The following PLXDC2 variants were observed in gnomAD, a reference collection of about 807,000 sequenced individuals.
The protein encoded by PLXDC2 is plexin domain containing 2.
PLXDC2 carries 40 observed loss-of-function variants against 68.9 expected under a neutral mutation model. The ratio of observed to expected loss-of-function variants is 0.58; its 90% CI spans 0.45 to 0.76. The LOEUF (loss-of-function observed/expected upper bound fraction) is 0.76, where lower values mean the gene tolerates loss of function less well. Ranked by LOEUF, PLXDC2 falls within the 30% of genes least tolerant of loss-of-function variation. The pLI, the probability that PLXDC2 is intolerant of heterozygous loss-of-function variation, is 0.00. For synonymous variants in PLXDC2, 243 were observed against 234.2 expected, an observed-to-expected ratio of 1.04 and a Z score of -0.34; for missense variants, 644 against 661.9, an observed-to-expected ratio of 0.97 and a Z score of 0.30.
chr10:20,234,243 C>A (rs1396265190), intron 12 of PLXDC2, among the ~76,000 whole-genome samples: 1 of 152,118 alleles, frequency 6.6e-6, no homozygotes, highest in Non-Finnish European at 1.5e-5. Context: ...TGTCATATGC[C>A]CACACAGCAG....
intron 4 of PLXDC2, among the ~76,000 whole-genome samples, chr10:20,083,321 CA>C: frequency 6.6e-6 from 1 of 151,382 alleles, no homozygotes. Flanking sequence ...TAAAAAAATA[CA>C]AAAAATTAGC....
chr10:19,843,422 G>A (rs1836943234), intron 1 of PLXDC2, among the ~76,000 whole-genome samples: 1 of 152,072 alleles, frequency 6.6e-6, no homozygotes, highest in African/African-American at 2.4e-5. Context: ...TCCTCCATAA[G>A]GACACCATCC....
intron 2 of PLXDC2, among the ~76,000 whole-genome samples, chr10:20,015,681 A>C (rs1168097619): frequency 6.6e-6 from 1 of 152,114 alleles, no homozygotes; most frequent in Non-Finnish European, 1.5e-5. Flanking sequence ...GACCAAGTAT[A>C]ATCGATTAAA....
intron 1 of PLXDC2, among the ~76,000 whole-genome samples, chr10:19,897,989 CT>C (rs1260804934): frequency 6.6e-6 from 1 of 152,064 alleles, no homozygotes; most frequent in Non-Finnish European, 1.5e-5. Context: ...CCTGTTTCCC[CT>C]GTAACATCAA....
chr10:20,211,679 G>A lies in PLXDC2; in HGVS notation c.1072G>A (p.Gly358Arg). 1 of 1,613,154 alleles carries A rather than the reference G, an allele frequency of 6.2e-7. No homozygotes were observed. Among genetic ancestry groups the A allele is most frequent in the South Asian group, 1.1e-5 (1 of 91,036 alleles). ...WCSKLQRCSS[G>R]FDRHRQDWVD... ...TGGTCTTCTTTGAAGATGTTCCAGT[G>A]GATTTGATCGTCATCGGCAGGACTG... Residue 358 changes from glycine (G) to arginine (R), a missense_variant, in exon 10 of 14, where the codon GGA becomes AGA. Transcript: ENST00000377252.
At position 19,816,858 on chromosome 10, in the gene PLXDC2, G is replaced by T; in HGVS notation, c.-222G>T. 1.7e-6 allele frequency: 1 copy of T among 580,216 alleles called. No homozygotes were observed. The highest frequency in any genetic ancestry group is 3.1e-6 in the Non-Finnish European group (1 of 326,510). The allele number at this position is 580,216 out of a possible 1,614,324, so 35.9% of individuals were successfully genotyped here. A position where few individuals can be genotyped will look rare whatever the true frequency, so the allele number is the denominator to read the frequency against. ...GTGAGGGCTGCGAGTGTGGCAAGTTGCAAAGAGAGCCTCAGAGGTCCGAAG... is the reference window on the plus strand; with the variant it reads ...GTGAGGGCTGCGAGTGTGGCAAGTTTCAAAGAGAGCCTCAGAGGTCCGAAG... On this transcript the variant is annotated 5_prime_UTR_variant, in exon 1 of 14. Coordinates refer to ENST00000377252, the MANE Select transcript of PLXDC2 (RefSeq NM_032812.9).
At chr10:20,126,306 C>CATACGTTATATAATATATACAT (rs1833777116) in intron 4 of PLXDC2, among the ~76,000 whole-genome samples, 2 of 124,702 alleles carry the variant, frequency 1.6e-5, no homozygotes, top group African/African-American at 5.5e-5. Flanking sequence ...CATATATACA[C>CATACGTTATATAATATATACAT]ATACGTTATA....
rs760742399 is a variant in PLXDC2 at position 19,872,082 on chromosome 10, T to G, written c.112+54891T>G. On this transcript the variant is annotated intron_variant, in intron 1 of 13. Transcript: ENST00000377252. ...AGGCACCTTTTCAGGGTGAGTAGGC[T>G]GCAATGCTGGTTTGGAGCAATGGGT... 1.2e-3 allele frequency among the ~76,000 whole-genome samples: 175 copies of G among 152,146 alleles called. 1 individual carries two copies. Among genetic ancestry groups the G allele is most frequent in the Middle Eastern group, 3.2e-3 (1 of 316 alleles).
At chr10:20,253,635 G>T (rs1208724047) in intron 13 of PLXDC2, among the ~76,000 whole-genome samples, 2 of 152,036 alleles carry the variant, frequency 1.3e-5, no homozygotes, top group Admixed American at 6.6e-5. Flanking sequence ...AGAAACTTCA[G>T]CCTGTGTGCA....
chr10:20,229,517 C>CAAAAAAA (rs58386547), intron 12 of PLXDC2, among the ~76,000 whole-genome samples: 3 of 105,648 alleles, frequency 2.8e-5, no homozygotes, highest in Non-Finnish European at 3.7e-5. Flanking sequence ...CCACTTTAAG[C>CAAAAAAA]AAAAAAAAAA....
At position 19,883,884 on chromosome 10, in the gene PLXDC2, CTTTT is replaced by C. The variant is rs397846779; in HGVS notation, c.112+66717_112+66720del. Among the ~76,000 whole-genome samples the C allele has an allele frequency of 7.4e-4, 41 of 55,106 alleles. 2 individuals carry two copies. Among genetic ancestry groups the C allele is most frequent in the South Asian group, 3.9e-3 (4 of 1,032 alleles). The allele number at this position is 55,106 out of a possible 152,430, so 36.2% of individuals were successfully genotyped here. ...ATTACTGTCTCCAGATCCCTTTAAA[CTTTT>C]TTTTTTTTTTTTTTTTTTTTTTTAG... On this transcript the variant is annotated intron_variant, in intron 1 of 13. Coordinates refer to ENST00000377252, the MANE Select transcript of PLXDC2 (RefSeq NM_032812.9).
chr10:20,011,330 A>T (rs1245241745), intron 2 of PLXDC2, among the ~76,000 whole-genome samples: 5 of 152,062 alleles, frequency 3.3e-5, no homozygotes, highest in Admixed American at 3.3e-4. Flanking sequence ...CCACAGAGGG[A>T]CGGTACTCCT....
intron 6 of PLXDC2, among the ~76,000 whole-genome samples, chr10:20,150,111 C>G (rs1834133350): frequency 6.6e-6 from 1 of 152,148 alleles, no homozygotes; most frequent in Non-Finnish European, 1.5e-5. Flanking sequence ...ATCAATGTCA[C>G]TCAGAGTTCT....
chr10:19,875,987 C>A (rs1193695684), intron 1 of PLXDC2, among the ~76,000 whole-genome samples: 2 of 152,030 alleles, frequency 1.3e-5, no homozygotes, highest in Admixed American at 6.6e-5. Context: ...AAAAAAATAA[C>A]CTTAGCAGCA....
chr10:20,151,973 A>T (rs2078509294), intron 6 of PLXDC2, among the ~76,000 whole-genome samples: 1 of 152,138 alleles, frequency 6.6e-6, no homozygotes, highest in Non-Finnish European at 1.5e-5. Context: ...TGTAAATTTT[A>T]ATTACCATTA....
chr10:20,267,343 T>C (rs1269016688), intron 13 of PLXDC2, among the ~76,000 whole-genome samples: 1 of 152,172 alleles, frequency 6.6e-6, no homozygotes, highest in East Asian at 1.9e-4. Context: ...ACATGGAGAA[T>C]ATGAGATAAG....
chr10:20,128,192 T>C (rs1022048819), intron 4 of PLXDC2, among the ~76,000 whole-genome samples: 2 of 152,192 alleles, frequency 1.3e-5, no homozygotes, highest in Non-Finnish European at 2.9e-5. Flanking sequence ...CCTCATGTCC[T>C]GGGGATGATC....
At chr10:20,163,245 G>A (rs890612996) in intron 6 of PLXDC2, among the ~76,000 whole-genome samples, 3 of 152,042 alleles carry the variant, frequency 2.0e-5, no homozygotes, top group Non-Finnish European at 2.9e-5. Context: ...AATACATTAA[G>A]GGAAAATGTC....
At position 20,001,854 on chromosome 10, in the gene PLXDC2, G is replaced by A. The variant is rs1834946144; in HGVS notation, c.192G>A (p.Arg64=). 1 of 1,614,008 alleles carries A rather than the reference G, an allele frequency of 6.2e-7. No individual in the cohort carries two copies. The highest frequency in any genetic ancestry group is 1.1e-5 in the South Asian group (1 of 91,080). Residue 64 remains arginine (R), a synonymous_variant, in exon 2 of 14, where the codon AGG becomes AGA. Coordinates refer to ENST00000377252, the MANE Select transcript of PLXDC2 (RefSeq NM_032812.9). ...TTGATTCACACGCGTACAGCCACAG[G>A]TGGAAAAGAAACTTGGACTTTCTCA... ...VEVDSHAYSH[R]WKRNLDFLKA...
Sources: gnomAD v4.1 joint callset for allele counts (sites outside exome capture counted in the v4.1 genomes callset) on GRCh38, gnomAD v4.1.1 for gene constraint, MANE v1.5 for transcripts, NCBI Gene and HGNC (gene_info 2026-07-23, HGNC 2026-07-21) for gene names.